Variants in RCOR1 observed in about 807,000 individuals in gnomAD.
RCOR1 encodes the protein REST corepressor.
Under a neutral mutation model 64.0 loss-of-function variants are expected in RCOR1, and 12 were observed. The ratio of observed to expected loss-of-function variants is 0.19; its 90% CI spans 0.12 to 0.30. The LOEUF is 0.30. RCOR1 is among the 10% of genes least tolerant of loss of function. The pLI, the probability that RCOR1 is intolerant of heterozygous loss-of-function variation, is 1.00. For synonymous variants in RCOR1, 279 were observed against 227.2 expected (o/e 1.23, Z -2.05); for missense variants, 502 against 621.2 (o/e 0.81, Z 2.04).
At chr14:102,720,527 C>T (rs181745701) in intron 8 of RCOR1, among the ~76,000 whole-genome samples, 2 of 152,336 alleles carry the variant, frequency 1.3e-5, no homozygotes, top group East Asian at 3.9e-4. Flanking sequence ...TGCTTGTGCA[C>T]TTCTGCCCTG....
intron 2 of RCOR1, among the ~76,000 whole-genome samples, chr14:102,672,055 A>AT (rs943865048): frequency 2.6e-5 from 4 of 152,116 alleles, no homozygotes; most frequent in African/African-American, 9.7e-5. Flanking sequence ...GACATACTGC[A>AT]TTTTTTTATT....
intron 8 of RCOR1, among the ~76,000 whole-genome samples, chr14:102,715,082 T>A (rs1345142431): frequency 6.6e-6 from 1 of 151,970 alleles, no homozygotes; most frequent in Non-Finnish European, 1.5e-5. Flanking sequence ...ATTTTTTTTT[T>A]TTTTGAGACG....
At chr14:102,653,983 CT>C (rs1160437928) in intron 2 of RCOR1, among the ~76,000 whole-genome samples, 21 of 33,172 alleles carry the variant, frequency 6.3e-4, no homozygotes, top group South Asian at 1.3e-3. Flanking sequence ...TTCTTTCTTT[CT>C]TTTTTTTTTT....
Position 102,728,270 on chromosome 14 carries a change from T to C in RCOR1, c.*1764T>C, listed in dbSNP as rs953225964. The C allele has an allele frequency of 5.9e-5, 9 of 152,140 alleles. No individual in the cohort carries two copies. Among genetic ancestry groups the C allele is most frequent in the African/African-American group, 2.2e-4 (9 of 41,404 alleles). 9.4% of individuals were successfully genotyped at this position (152,140 alleles called of 1,614,324 possible). Reference sequence around the variant, plus strand: ...ATCTCGTTCCCGTGCCAGGTGTGTGTTGGTCACGTAAAAGCCTGGGAAGCA... The same window carrying C: ...ATCTCGTTCCCGTGCCAGGTGTGTGCTGGTCACGTAAAAGCCTGGGAAGCA... On this transcript the variant is annotated 3_prime_UTR_variant, in exon 12 of 12. Transcript: ENST00000262241.
intron 8 of RCOR1, among the ~76,000 whole-genome samples, chr14:102,719,493 T>C (rs1896134698): frequency 6.6e-6 from 1 of 152,128 alleles, no homozygotes; most frequent in African/African-American, 2.4e-5. Context: ...AGTGAGAACA[T>C]GCGGTGTTTG....
intron 6 of RCOR1, among the ~76,000 whole-genome samples, chr14:102,709,645 G>A (rs1490341337): frequency 6.6e-6 from 1 of 152,146 alleles, no homozygotes; most frequent in Non-Finnish European, 1.5e-5. Flanking sequence ...AATTGTAAGA[G>A]CCTATAAAAT....
Position 102,640,089 on chromosome 14 carries a change from C to G in RCOR1, c.362-41806C>G, listed in dbSNP as rs1309301279. ...TGAATTCCCAACCTCAGGTGATCCG[C>G]CTGCCTCAGCTTCCCAGAGTGCTGG... On this transcript the variant is annotated intron_variant, in intron 2 of 11. Coordinates refer to ENST00000262241, the MANE Select transcript of RCOR1 (RefSeq NM_015156.4). 7.9e-5 allele frequency among the ~76,000 whole-genome samples: 12 copies of G among 152,324 alleles called. No homozygotes were observed. The East Asian group carries it at 2.3e-3, about 29-fold the overall frequency.
intron 6 of RCOR1, 42 bp from the exon 7 acceptor site, chr14:102,710,893 T>C (rs1895943486): frequency 9.4e-6 from 13 of 1,387,066 alleles, no homozygotes; most frequent in Non-Finnish European, 1.1e-5. Context: ...TTCGGAAAAT[T>C]AGTACAAAAT....
chr14:102,721,287 T>G (rs1896164035), intron 9 of RCOR1, 33 bp from the exon 10 acceptor site: 1 of 1,583,536 alleles, frequency 6.3e-7, no homozygotes, highest in Non-Finnish European at 8.7e-7. Context: ...TCTCTAAATG[T>G]AATGTGCTAA....
intron 3 of RCOR1, among the ~76,000 whole-genome samples, chr14:102,685,944 G>C (rs1169087392): frequency 2.0e-5 from 3 of 152,002 alleles, no homozygotes; most frequent in African/African-American, 7.3e-5. Context: ...ACGGGGAGGC[G>C]GGGGCTAGAA....
rs555806128 is a variant in RCOR1, at chr14:102,595,825, C to T, written c.361+2500C>T. The stretch of plus-strand genomic sequence containing the variant: ...TGATCTCCTGACCTCGTGATCCGCC[C>T]GTCTCGGCCTCTCATAGTGCTGGGA... On this transcript the variant is annotated intron_variant, in intron 2 of 11. Transcript: ENST00000262241. 7.2e-5 allele frequency among the ~76,000 whole-genome samples: 11 copies of T among 152,194 alleles called. No homozygotes were observed. In the South Asian group the frequency reaches 1.2e-3, roughly 17 times the overall value.
chr14:102,708,683 C>G lies in RCOR1; in HGVS notation c.779+100C>G, dbSNP rs549452415. On this transcript the variant is annotated intron_variant, in intron 6 of 11. Transcript: ENST00000262241. ...AGAATGACTGGTTTTCCCTCCGCGCCTTCCTGGTGGAACCACATGTTCATG... is the reference window on the plus strand; with the variant it reads ...AGAATGACTGGTTTTCCCTCCGCGCGTTCCTGGTGGAACCACATGTTCATG... The G allele has an allele frequency of 5.1e-5, 35 of 680,204 alleles. No individual in the cohort carries two copies. The East Asian group carries it at 7.3e-4, about 14-fold the overall frequency. The allele number at this position is 680,204 out of a possible 1,614,324, so 42.1% of individuals were successfully genotyped here.
chr14:102,683,872 A>G (rs1895356346), intron 3 of RCOR1, among the ~76,000 whole-genome samples: 1 of 152,178 alleles, frequency 6.6e-6, no homozygotes, highest in Admixed American at 6.5e-5. Flanking sequence ...CCCATACACC[A>G]GTCCCTAGCT....
At chr14:102,706,547 T>C (rs1364289213) in intron 4 of RCOR1, among the ~76,000 whole-genome samples, 1 of 152,084 alleles carries the variant, frequency 6.6e-6, no homozygotes, top group Non-Finnish European at 1.5e-5. Context: ...CCTTAAAAAA[T>C]TAAAAATAGA....
At chr14:102,594,087 T>C (rs1466756985) in intron 2 of RCOR1, among the ~76,000 whole-genome samples, 4 of 152,186 alleles carry the variant, frequency 2.6e-5, no homozygotes, top group Non-Finnish European at 5.9e-5. Context: ...GCTGCTATTC[T>C]GTGTAGAAGC....
At chr14:102,697,076 G>T (rs947739949) in intron 3 of RCOR1, among the ~76,000 whole-genome samples, 1 of 152,118 alleles carries the variant, frequency 6.6e-6, no homozygotes, top group African/African-American at 2.4e-5. Flanking sequence ...AAAAGCTGAG[G>T]ATTATGTAGA....
chr14:102,705,511 C>A (rs759818789), intron 4 of RCOR1, among the ~76,000 whole-genome samples: 1 of 152,176 alleles, frequency 6.6e-6, no homozygotes, highest in Non-Finnish European at 1.5e-5. Context: ...GTGGTGTGAT[C>A]ATAGCTCACT....
intron 2 of RCOR1, among the ~76,000 whole-genome samples, chr14:102,672,711 A>G (rs1383753829): frequency 6.6e-6 from 1 of 152,228 alleles, no homozygotes; most frequent in African/African-American, 2.4e-5. Flanking sequence ...GTGAGAGACT[A>G]CTTCACACCT....
intron 2 of RCOR1, chr14:102,643,214 G>A (rs185172169): frequency 8.0e-5 from 22 of 274,354 alleles, no homozygotes; most frequent in African/African-American, 4.3e-4. Context: ...CCCGGGAGGC[G>A]GAGCTTGCAC....
Sources: gnomAD v4.1 joint callset for allele counts (sites outside exome capture counted in the v4.1 genomes callset) on GRCh38, gnomAD v4.1.1 for gene constraint, MANE v1.5 for transcripts, NCBI Gene and HGNC (gene_info 2026-07-23, HGNC 2026-07-21) for gene names.